The following SOX6 variants were observed in gnomAD, a reference collection of about 807,000 sequenced individuals.
SOX6 encodes transcription factor SOX-6.
Under a neutral mutation model 97.8 loss-of-function variants are expected in SOX6, and 11 were observed. The ratio of observed to expected loss-of-function variants is 0.11; its 90% CI spans 0.07 to 0.19. The LOEUF (loss-of-function observed/expected upper bound fraction) is 0.19. Ranked by LOEUF, SOX6 falls within the 10% of genes least tolerant of loss-of-function variation. SOX6 has a pLI of 1.00. For synonymous variants in SOX6, 360 were observed against 371.4 expected (o/e 0.97, Z 0.35); for missense variants, 810 against 1,039.5 (o/e 0.78, Z 3.04).
At chr11:16,433,905 G>T (rs1460618318) in intron 1 of SOX6, among the ~76,000 whole-genome samples, 1 of 151,988 alleles carries the variant, frequency 6.6e-6, no homozygotes, top group Non-Finnish European at 1.5e-5. Context: ...AAATTTAACA[G>T]CTCTCAATCA....
chr11:16,400,940 C>T (rs1341037425), intron 1 of SOX6, among the ~76,000 whole-genome samples: 1 of 151,504 alleles, frequency 6.6e-6, no homozygotes, highest in African/African-American at 2.4e-5. Flanking sequence ...CAAAAACAAA[C>T]CATGGCCTTT....
chr11:16,733,877 A>C (rs901842530), intron 2 of SOX6, among the ~76,000 whole-genome samples: 6 of 151,818 alleles, frequency 4.0e-5, no homozygotes, highest in Admixed American at 6.6e-5. Context: ...ATACAAAAAA[A>C]TTAGCCGGGC....
chr11:16,354,189 C>T (rs981132042), intron 1 of SOX6, among the ~76,000 whole-genome samples: 1 of 151,964 alleles, frequency 6.6e-6, no homozygotes, highest in Non-Finnish European at 1.5e-5. Context: ...AGGGACAACA[C>T]ATCTTCCTTG....
At chr11:16,572,442 A>G (rs752796538) in intron 4 of SOX6, among the ~76,000 whole-genome samples, 45 of 152,204 alleles carry the variant, frequency 3.0e-4, no homozygotes, top group Non-Finnish European at 4.6e-4. Flanking sequence ...TTTAAACAGA[A>G]AACCTATACA....
chr11:16,219,948 A>C (rs902124149), intron 4 of SOX6, among the ~76,000 whole-genome samples: 1 of 151,990 alleles, frequency 6.6e-6, no homozygotes, highest in African/African-American at 2.4e-5. Flanking sequence ...TCTTTCAAAA[A>C]CCAGCTATGT....
chr11:16,274,925 T>C (rs944021776), intron 3 of SOX6, among the ~76,000 whole-genome samples: 2 of 152,180 alleles, frequency 1.3e-5, no homozygotes, highest in South Asian at 2.1e-4. Flanking sequence ...GCAAGGGGCA[T>C]TGGACAGCTA....
chr11:16,489,654 A>T (rs1261414285), intron 4 of SOX6, among the ~76,000 whole-genome samples: 1 of 152,132 alleles, frequency 6.6e-6, no homozygotes, highest in Non-Finnish European at 1.5e-5. Context: ...TCATTGCTAA[A>T]ATTGAATGAG....
At chr11:16,631,317 T>A (rs1590021481) in intron 3 of SOX6, among the ~76,000 whole-genome samples, 1 of 152,176 alleles carries the variant, frequency 6.6e-6, no homozygotes, top group Admixed American at 6.5e-5. Flanking sequence ...GTCTGGAAAA[T>A]ATTTTTTATT....
At chr11:16,625,242 G>A (rs932580816) in intron 3 of SOX6, among the ~76,000 whole-genome samples, 7 of 152,008 alleles carry the variant, frequency 4.6e-5, no homozygotes, top group African/African-American at 1.7e-4. Context: ...AGCCTCTTAT[G>A]TTTTCATCTA....
chr11:16,236,131 T>C (rs1326077195), intron 3 of SOX6, among the ~76,000 whole-genome samples: 2 of 152,046 alleles, frequency 1.3e-5, no homozygotes, highest in Non-Finnish European at 2.9e-5. Flanking sequence ...TATTCCATTA[T>C]TTCCTATTAT....
At chr11:16,208,601 T>C (rs1852134796) in intron 4 of SOX6, among the ~76,000 whole-genome samples, 2 of 152,188 alleles carry the variant, frequency 1.3e-5, no homozygotes, top group East Asian at 1.9e-4. Context: ...TTCCCAAAAA[T>C]GAAACAAAGT....
At chr11:16,358,594 G>A (rs1387894507), upstream of SOX6, among the ~76,000 whole-genome samples, 3 of 152,072 alleles carry the variant, frequency 2.0e-5, no homozygotes, top group Non-Finnish European at 4.4e-5. Context: ...AATAAGAAGT[G>A]TTTGGAGAAA....
chr11:16,523,347 T>C lies in SOX6; in HGVS notation n.610-46959A>G, dbSNP rs541788174. Among the ~76,000 whole-genome samples, 16 of 152,168 alleles carry C rather than the reference T, an allele frequency of 1.1e-4. No homozygotes were observed. The South Asian group carries it at 1.7e-3, about 16-fold the overall frequency. The stretch of plus-strand genomic sequence containing the variant: ...AGAAACTCACTCAAAACCGCTCAAC[T>C]ACATGGAAACTGAACAACCTGCTCC... On this transcript the variant is annotated intron_variant and non_coding_transcript_variant, in intron 4 of 5. Coordinates refer to the SOX6 transcript ENST00000524520.
intron 4 of SOX6, among the ~76,000 whole-genome samples, chr11:16,214,616 T>C (rs1296170336): frequency 6.6e-6 from 1 of 152,130 alleles, no homozygotes; most frequent in Non-Finnish European, 1.5e-5. Context: ...TCTATTTCTC[T>C]ATAAGGAGAT....
At chr11:16,009,107 T>C (rs1289896662) in intron 13 of SOX6, among the ~76,000 whole-genome samples, 1 of 152,058 alleles carries the variant, frequency 6.6e-6, no homozygotes, top group Non-Finnish European at 1.5e-5. Flanking sequence ...GTCTTATCTT[T>C]TTACGTGTAT....
chr11:16,361,596 C>A (rs1373991743), intron 1 of SOX6, among the ~76,000 whole-genome samples: 2 of 152,140 alleles, frequency 1.3e-5, no homozygotes, highest in Non-Finnish European at 2.9e-5. Context: ...AATTAGATAG[C>A]ATACCTCAGA....
chr11:16,248,913 C>G (rs188508887), intron 3 of SOX6, among the ~76,000 whole-genome samples: 9 of 151,948 alleles, frequency 5.9e-5, no homozygotes, highest in Non-Finnish European at 1.2e-4. Flanking sequence ...CTGGCTAACA[C>G]GGTGAAACCC....
rs1565188995 is a variant in SOX6 at position 16,594,683 on chromosome 11, G to GTTTTTT, written n.609+17397_609+17398insAAAAAA. On this transcript the variant is annotated intron_variant and non_coding_transcript_variant, in intron 4 of 5. Coordinates refer to the SOX6 transcript ENST00000524520. Reference sequence around the variant, plus strand: ...AATTTTTATTTTCTTTTCGGTTTTTGCTTTTTTTTTTTTTTTTTTTTTTTT... The same window carrying GTTTTTT: ...AATTTTTATTTTCTTTTCGGTTTTTGTTTTTTCTTTTTTTTTTTTTTTTTTTTTTTT... Among the ~76,000 whole-genome samples the GTTTTTT allele has an allele frequency of 2.9e-4, 14 of 47,810 alleles. 2 individuals are homozygous for GTTTTTT. Among genetic ancestry groups the GTTTTTT allele is most frequent in the African/African-American group, 9.7e-4 (12 of 12,430 alleles). 31.4% of individuals were successfully genotyped at this position (47,810 alleles called of 152,430 possible). A position where few individuals can be genotyped will look rare whatever the true frequency, so the allele number is the denominator to read the frequency against.
intron 4 of SOX6, among the ~76,000 whole-genome samples, chr11:16,190,391 G>A (rs891426427): frequency 1.3e-5 from 2 of 151,938 alleles, no homozygotes; most frequent in Admixed American, 6.6e-5. Flanking sequence ...AGCCAATCTC[G>A]AACTGAAAAT....
Sources: gnomAD v4.1 joint callset for allele counts (sites outside exome capture counted in the v4.1 genomes callset) on GRCh38, gnomAD v4.1.1 for gene constraint, MANE v1.5 for transcripts, NCBI Gene and HGNC (gene_info 2026-07-23, HGNC 2026-07-21) for gene names.